Variants in SH3PXD2A observed in about 807,000 individuals in gnomAD.
SH3PXD2A encodes SH3 and PX domains 2A.
Under a neutral mutation model 115.2 loss-of-function variants are expected in SH3PXD2A, and 32 were observed. The ratio of observed to expected loss-of-function variants is 0.28; its 90% CI spans 0.21 to 0.37. The LOEUF (loss-of-function observed/expected upper bound fraction) is 0.37. SH3PXD2A is among the 10% of genes least tolerant of loss of function. The pLI is 1.00. For synonymous variants in SH3PXD2A, 610 were observed against 629.1 expected (o/e 0.97, Z 0.45); for missense variants, 1,328 against 1,498.7 (o/e 0.89, Z 1.88).
At chr10:103,815,967 AGAG>A (rs1428210661) in intron 1 of SH3PXD2A, among the ~76,000 whole-genome samples, 1 of 152,184 alleles carries the variant, frequency 6.6e-6, no homozygotes, top group Non-Finnish European at 1.5e-5. Context: ...ATATAGAAGC[AGAG>A]AAGAGAAGGG....
At chr10:103,708,523 AGG>A (rs2038008854) in intron 5 of SH3PXD2A, among the ~76,000 whole-genome samples, 4 of 152,130 alleles carry the variant, frequency 2.6e-5, no homozygotes, top group African/African-American at 4.8e-5. Flanking sequence ...GGGAGGGAAA[AGG>A]GGTGCATGAA....
At chr10:103,750,085 C>T (rs2134203897) in intron 3 of SH3PXD2A, among the ~76,000 whole-genome samples, 1 of 152,328 alleles carries the variant, frequency 6.6e-6, no homozygotes, top group Middle Eastern at 3.4e-3. Flanking sequence ...CAGAGTCTTG[C>T]TATGTCGCCC....
chr10:103,709,284 G>T (rs2038019296), intron 5 of SH3PXD2A, among the ~76,000 whole-genome samples: 1 of 152,162 alleles, frequency 6.6e-6, no homozygotes, highest in Non-Finnish European at 1.5e-5. Flanking sequence ...AAAGAGCACT[G>T]GACTTGGAGC....
chr10:103,781,900 G>T (rs558672415), intron 2 of SH3PXD2A, among the ~76,000 whole-genome samples: 1 of 152,154 alleles, frequency 6.6e-6, no homozygotes, highest in African/African-American at 2.4e-5. Context: ...ATTGCAGGGA[G>T]GAGCCTCCTC....
chr10:103,795,958 A>AAGGAAG (rs1564890955), intron 2 of SH3PXD2A, among the ~76,000 whole-genome samples: 85 of 135,282 alleles, frequency 6.3e-4, no homozygotes, highest in African/African-American at 2.1e-3. Flanking sequence ...AAGGAAGGAA[A>AAGGAAG]CCAGAGACAT....
intron 5 of SH3PXD2A, among the ~76,000 whole-genome samples, chr10:103,701,862 A>T (rs1449180052): frequency 6.8e-6 from 1 of 147,468 alleles, no homozygotes; most frequent in Non-Finnish European, 1.5e-5. Context: ...CCATCCATTT[A>T]CCATCTATCC....
At chr10:103,726,842 T>G (rs935280372) in intron 4 of SH3PXD2A, among the ~76,000 whole-genome samples, 1 of 152,138 alleles carries the variant, frequency 6.6e-6, no homozygotes, top group South Asian at 2.1e-4. Flanking sequence ...CCAGGCAAGA[T>G]GAGGTAAGAC....
At chr10:103,796,536 C>A (rs2039091192) in intron 2 of SH3PXD2A, among the ~76,000 whole-genome samples, 1 of 151,974 alleles carries the variant, frequency 6.6e-6, no homozygotes, top group Non-Finnish European at 1.5e-5. Flanking sequence ...TAACTGTTTC[C>A]AAGTTTGCCT....
In SH3PXD2A at chr10:103,735,823, C is replaced by T. The variant is rs937895570; in HGVS notation, c.230-15G>A. ...GAGGATCTTGCCTGGAAGAGAGATG[C>T]TCATGAGTGGGGGATTCTGGCTAAA... On this transcript the variant is annotated splice_polypyrimidine_tract_variant and intron_variant, in intron 3 of 14. Coordinates refer to ENST00000369774, the MANE Select transcript of SH3PXD2A (RefSeq NM_001394015.1). 3.1e-6 allele frequency: 5 copies of T among 1,609,724 alleles called. No homozygotes were observed. Among genetic ancestry groups the T allele is most frequent in the South Asian group, 2.2e-5 (2 of 90,996 alleles).
intron 8 of SH3PXD2A, among the ~76,000 whole-genome samples, chr10:103,641,929 T>C (rs1003573197): frequency 1.3e-5 from 2 of 152,200 alleles, no homozygotes; most frequent in East Asian, 3.8e-4. Flanking sequence ...ACACAACCTT[T>C]GCTATATCCT....
intron 8 of SH3PXD2A, among the ~76,000 whole-genome samples, chr10:103,632,478 C>T (rs2036794947): frequency 6.6e-6 from 1 of 152,152 alleles, no homozygotes; most frequent in African/African-American, 2.4e-5. Context: ...GTGGGGTCAG[C>T]GCAGGGAATC....
intron 2 of SH3PXD2A, among the ~76,000 whole-genome samples, chr10:103,776,425 CGTGTGTGTGTCTGT>C (rs1259782947): frequency 3.7e-4 from 41 of 112,100 alleles, no homozygotes; most frequent in African/African-American, 5.0e-4. Context: ...TGTGTGCATG[CGTGTGTGTGTCTGT>C]GTGTGTGTGT....
intron 2 of SH3PXD2A, among the ~76,000 whole-genome samples, chr10:103,799,897 C>G (rs2039130764): frequency 6.6e-6 from 1 of 152,058 alleles, no homozygotes; most frequent in African/African-American, 2.4e-5. Flanking sequence ...ATATTCAATC[C>G]CACATTGTTG....
chr10:103,707,901 A>C (rs925673085), intron 5 of SH3PXD2A, among the ~76,000 whole-genome samples: 3 of 151,976 alleles, frequency 2.0e-5, no homozygotes, highest in African/African-American at 2.4e-5. Context: ...GCCTGCACTC[A>C]AGGTCACCCT....
At chr10:103,704,067 A>C (rs2037952532) in intron 5 of SH3PXD2A, among the ~76,000 whole-genome samples, 1 of 152,210 alleles carries the variant, frequency 6.6e-6, no homozygotes, top group South Asian at 2.1e-4. Context: ...GGGAGCGCAT[A>C]CACAGATCCT....
chr10:103,667,854 G>T (rs7067987), intron 7 of SH3PXD2A, among the ~76,000 whole-genome samples: 1 of 152,180 alleles, frequency 6.6e-6, no homozygotes, highest in Non-Finnish European at 1.5e-5. Flanking sequence ...CTCCATCCAG[G>T]AGCTGAGAAC....
intron 13 of SH3PXD2A, among the ~76,000 whole-genome samples, chr10:103,607,204 A>G (rs966662184): frequency 1.4e-5 from 2 of 147,208 alleles, no homozygotes; most frequent in African/African-American, 2.6e-5. Flanking sequence ...CTGGGAGGTG[A>G]GGAGCCTCTC....
At position 103,612,795 on chromosome 10, in the gene SH3PXD2A, C is replaced by T. The variant is rs1475052267; in HGVS notation, c.1258+58G>A. The stretch of plus-strand genomic sequence containing the variant: ...GCACCCCCCTGGCTTTCACGGCACC[C>T]ATGCCCATTCTCTAAGGAGCTTTGC... On this transcript the variant is annotated intron_variant, in intron 12 of 14. Transcript: ENST00000369774. 2.5e-5 allele frequency: 32 copies of T among 1,296,450 alleles called. 1 individual carries two copies. In the East Asian group the frequency reaches 7.2e-4, roughly 29 times the overall value. The allele number at this position is 1,296,450 out of a possible 1,614,324, so 80.3% of individuals were successfully genotyped here.
chr10:103,854,453 C>G (rs1188867181), intron 1 of SH3PXD2A, among the ~76,000 whole-genome samples: 1 of 152,144 alleles, frequency 6.6e-6, no homozygotes, highest in Admixed American at 6.5e-5. Flanking sequence ...CCCAGTCAAC[C>G]TTAACCCCTT....
Sources: gnomAD v4.1 joint callset for allele counts (sites outside exome capture counted in the v4.1 genomes callset) on GRCh38, gnomAD v4.1.1 for gene constraint, MANE v1.5 for transcripts, NCBI Gene and HGNC (gene_info 2026-07-23, HGNC 2026-07-21) for gene names.